RP1: variants seen among roughly 807,000 people sequenced by gnomAD.
RP1 encodes the protein RP1 axonemal microtubule associated, also known as oxygen-regulated protein 1.
A neutral mutation model predicts 14.8 loss-of-function variants in RP1; 16 were observed. The ratio of observed to expected loss-of-function variants is 1.08; its 90% CI spans 0.73 to 1.65. RP1 has a LOEUF of 1.65. Ranked by LOEUF, RP1 falls within the 40% of genes most tolerant of loss-of-function variation. The pLI is 0.00. For synonymous variants in RP1, 876 were observed against 883.6 expected (o/e 0.99, Z 0.15); for missense variants, 2,631 against 2,535.0 (o/e 1.04, Z -0.81).
chr8:54,678,407 A>G, intron 8 of RP1: 1 of 1,407,366 alleles, frequency 7.1e-7, no homozygotes, highest in Non-Finnish European at 9.6e-7. Flanking sequence ...AACTTGAAGT[A>G]TTATTAGGCC....
At chr8:54,654,484 A>C (rs1052199299) in intron 5 of RP1, among the ~76,000 whole-genome samples, 1 of 152,220 alleles carries the variant, frequency 6.6e-6, no homozygotes, top group East Asian at 1.9e-4. Flanking sequence ...CAGTCTTGGC[A>C]GTAATAACCT....
Position 54,624,921 on chromosome 8 carries a change from A to G in RP1, c.1039A>G (p.Ile347Val), listed in dbSNP as rs1805985935. ...VRFRIKEEET[I>V]KWTTTVSKTG... ...ATTCAGAATAAAAGAGGAAGAAACC[A>G]TAAAATGGACAACTACTGTCAGTAA... Residue 347 changes from isoleucine (I) to valine (V), a missense_variant, in exon 4 of 4, where the codon ATA (isoleucine) becomes GTA (valine). Coordinates refer to ENST00000220676, the MANE Select transcript of RP1 (RefSeq NM_006269.2). 6.2e-7 allele frequency: 1 copy of G among 1,614,142 alleles called. No homozygotes were observed. The highest frequency in any genetic ancestry group is 1.3e-5 in the African/African-American group (1 of 75,056).
At chr8:54,644,310 C>A (rs564733160) in intron 3 of RP1, among the ~76,000 whole-genome samples, 1 of 152,190 alleles carries the variant, frequency 6.6e-6, no homozygotes, top group African/African-American at 2.4e-5. Flanking sequence ...GTTCTCTGGG[C>A]CCTACTTGGG....
In RP1 at chr8:54,720,215, ATTGT is replaced by A; in HGVS notation, c.2304_2307del (p.Phe768LeufsTer12). 1 of 1,535,894 alleles carries A rather than the reference ATTGT, an allele frequency of 6.5e-7. No homozygotes were observed. Among genetic ancestry groups the A allele is most frequent in the Non-Finnish European group, 8.7e-7 (1 of 1,146,756 alleles). On this transcript the variant is annotated frameshift_variant, in exon 16 of 23. Transcript: ENST00000636932. LOFTEE classifies it high-confidence loss of function. ...GCCTGGAATCTACGAAGAGCCCAGG[ATTGT>A]TTGTTGGACTTCAGTCAGATGGGCA...
chr8:54,698,680 C>T (rs1489122284), intron 12 of RP1, among the ~76,000 whole-genome samples: 1 of 152,112 alleles, frequency 6.6e-6, no homozygotes, highest in African/African-American at 2.4e-5. Flanking sequence ...AAATGTGGCA[C>T]ATATACACCA....
intron 15 of RP1, among the ~76,000 whole-genome samples, chr8:54,708,259 G>A (rs1808198144): frequency 6.6e-6 from 1 of 152,048 alleles, no homozygotes; most frequent in Non-Finnish European, 1.5e-5. Context: ...CATTGGAAAT[G>A]TTTATCTTCC....
Position 54,749,126 on chromosome 8 carries a change from C to T in RP1, c.2809-5677C>T, listed in dbSNP as rs60729432. 5.3e-3 allele frequency among the ~76,000 whole-genome samples: 812 copies of T among 151,866 alleles called. 4 individuals carry two copies. Among genetic ancestry groups the T allele is most frequent in the African/African-American group, 0.019 (775 of 41,420 alleles). ...TGAAAAGTATTTTATAAAAAAGGAT[C>T]GAGACCATCCTGGCTAACATGGTGA... On this transcript the variant is annotated intron_variant, in intron 19 of 22. Coordinates refer to the RP1 transcript ENST00000636932.
intron 28 of RP1, among the ~76,000 whole-genome samples, chr8:54,869,332 T>A (rs1292496271): frequency 6.6e-6 from 1 of 152,206 alleles, no homozygotes; most frequent in Non-Finnish European, 1.5e-5. Context: ...AAGAATGTGA[T>A]ACAATTTTTA....
intron 8 of RP1, among the ~76,000 whole-genome samples, chr8:54,677,290 C>G (rs1443166428): frequency 6.6e-6 from 1 of 151,786 alleles, no homozygotes; most frequent in East Asian, 1.9e-4. Flanking sequence ...TTTTGTAATC[C>G]CTCCTGGTGA....
chr8:54,818,562 T>C (rs1242119169), intron 24 of RP1, among the ~76,000 whole-genome samples: 1 of 152,222 alleles, frequency 6.6e-6, no homozygotes, highest in Non-Finnish European at 1.5e-5. Context: ...GAAGGACTTC[T>C]AAGTGGAGGT....
At chr8:54,806,415 T>C (rs1472827191) in intron 24 of RP1, among the ~76,000 whole-genome samples, 2 of 152,122 alleles carry the variant, frequency 1.3e-5, no homozygotes, top group Admixed American at 1.3e-4. Flanking sequence ...TTAGAGCTGA[T>C]TTAAAACACC....
chr8:54,700,227 A>G (rs1304051822), intron 13 of RP1, among the ~76,000 whole-genome samples: 1 of 147,220 alleles, frequency 6.8e-6, no homozygotes, highest in African/African-American at 2.5e-5. Flanking sequence ...TTTTTTTTTG[A>G]GACAAGGTCT....
intron 16 of RP1, among the ~76,000 whole-genome samples, chr8:54,721,843 C>T (rs1218013041): frequency 6.6e-6 from 1 of 152,168 alleles, no homozygotes; most frequent in African/African-American, 2.4e-5. Context: ...CTTCAAAATA[C>T]AAAATAATAC....
At chr8:54,699,299 C>A (rs893397638) in intron 12 of RP1, among the ~76,000 whole-genome samples, 2 of 151,856 alleles carry the variant, frequency 1.3e-5, no homozygotes, top group African/African-American at 4.8e-5. Flanking sequence ...ATACATTATA[C>A]TATGAATTTT....
At chr8:54,714,772 G>T (rs1007557918) in intron 15 of RP1, among the ~76,000 whole-genome samples, 1 of 152,184 alleles carries the variant, frequency 6.6e-6, no homozygotes, top group Non-Finnish European at 1.5e-5. Context: ...CTGTATCTGG[G>T]CAGCTGGCAA....
At chr8:54,637,325 G>A (rs1190657285) in intron 3 of RP1, among the ~76,000 whole-genome samples, 1 of 152,176 alleles carries the variant, frequency 6.6e-6, no homozygotes, top group Admixed American at 6.5e-5. Context: ...ACAAGTCTCT[G>A]CATACAGCTG....
At chr8:54,851,342 T>C (rs1728545606) in intron 25 of RP1, among the ~76,000 whole-genome samples, 2 of 152,192 alleles carry the variant, frequency 1.3e-5, no homozygotes, top group Admixed American at 1.3e-4. Flanking sequence ...ACTTTATATC[T>C]GTTTTAATAT....
intron 1 of RP1, among the ~76,000 whole-genome samples, chr8:54,559,996 T>C (rs1804249132): frequency 6.6e-6 from 1 of 152,256 alleles, no homozygotes; most frequent in Non-Finnish European, 1.5e-5. Flanking sequence ...GTTGAGACTG[T>C]AATTTTTCAT....
At chr8:54,790,392 T>C (rs1810434743) in intron 24 of RP1, among the ~76,000 whole-genome samples, 1 of 152,170 alleles carries the variant, frequency 6.6e-6, no homozygotes, top group Non-Finnish European at 1.5e-5. Context: ...ATTGCTTCCT[T>C]AAATGCACAG....
Sources: allele counts gnomAD v4.1 joint callset (sites outside exome capture counted in the v4.1 genomes callset), GRCh38; gene constraint gnomAD v4.1.1; transcripts MANE v1.5; gene names NCBI Gene and HGNC (gene_info 2026-07-23, HGNC 2026-07-21).